SLC7A13: variants seen among roughly 807,000 people sequenced by gnomAD.
SLC7A13 encodes the protein solute carrier family 7 member 13, also known as X-amino acid transporter 2.
A neutral mutation model predicts 32.0 loss-of-function variants in SLC7A13; 31 were observed. That is an observed-to-expected ratio of 0.97 (90% CI 0.73 to 1.31). SLC7A13 has a LOEUF of 1.31. Among genes scored for constraint, SLC7A13 ranks in the 50% most tolerant of loss-of-function variants. The pLI, the probability that SLC7A13 is intolerant of heterozygous loss-of-function variation, is 0.00. For synonymous variants in SLC7A13, 232 were observed against 206.9 expected, an observed-to-expected ratio of 1.12 and a Z score of -1.04; for missense variants, 633 against 546.9, an observed-to-expected ratio of 1.16 and a Z score of -1.57.
Position 86,214,612 on chromosome 8 carries a change from A to C in SLC7A13, c.1214T>G (p.Ile405Ser). 1 of 1,613,260 alleles carries C rather than the reference A, an allele frequency of 6.2e-7. No homozygotes were observed. Among genetic ancestry groups the C allele is most frequent in the Non-Finnish European group, 8.5e-7 (1 of 1,179,644 alleles). Residue 405 changes from isoleucine to serine, a missense_variant, in exon 4 of 4, where the codon ATC becomes AGC. Coordinates refer to ENST00000297524, the MANE Select transcript of SLC7A13 (RefSeq NM_138817.3). ...TGGTATCACAACCAAGCCCACGTCG[A>C]TGACTATTGTTGCTAATGGAAATGA... ...FLSFPLATIVIDVGLVVIPLV... is the reference protein window; with the variant it reads ...FLSFPLATIVSDVGLVVIPLV...
intron 2 of SLC7A13, among the ~76,000 whole-genome samples, chr8:86,220,058 G>T (rs1219339933): frequency 6.6e-6 from 1 of 151,680 alleles, no homozygotes; most frequent in African/African-American, 2.4e-5. Flanking sequence ...TTTATTTATT[G>T]TCTATCATTG....
chr8:86,214,917 A>G (rs1454435331), intron 3 of SLC7A13, among the ~76,000 whole-genome samples: 1 of 152,178 alleles, frequency 6.6e-6, no homozygotes, highest in East Asian at 1.9e-4. Flanking sequence ...TGGTAAGATC[A>G]CTATCTACTG....
chr8:86,227,910 A>G (rs1022317828), intron 1 of SLC7A13, among the ~76,000 whole-genome samples: 2 of 152,200 alleles, frequency 1.3e-5, no homozygotes, highest in African/African-American at 4.8e-5. Context: ...TATACAGAGG[A>G]AATTGTGACA....
chr8:86,229,679 T>C lies in SLC7A13; in HGVS notation c.599A>G (p.Glu200Gly). 6.2e-7 allele frequency: 1 copy of C among 1,614,196 alleles called. No homozygotes were observed. The highest frequency in any genetic ancestry group is 1.7e-5 in the Admixed American group (1 of 60,008). ...VERFQNAFDA[E>G]LPDISHLIQA... Reference sequence around the variant, plus strand: ...TATAAGGTGAGAGATATCTGGAAGTTCAGCATCAAAAGCATTCTGAAATCG... The same window carrying C: ...TATAAGGTGAGAGATATCTGGAAGTCCAGCATCAAAAGCATTCTGAAATCG... The change falls in exon 1 of 4, where the codon GAA becomes GGA. Residue 200 changes from glutamate (E) to glycine (G), a missense_variant. Physicochemically the swap from Glu to Gly is moderately conservative, Grantham distance 98. Coordinates refer to ENST00000297524, the MANE Select transcript of SLC7A13 (RefSeq NM_138817.3).
intron 1 of SLC7A13, among the ~76,000 whole-genome samples, chr8:86,225,481 G>A (rs1013240842): frequency 4.6e-5 from 7 of 152,006 alleles, no homozygotes; most frequent in Non-Finnish European, 1.0e-4. Context: ...CAATTTTTTG[G>A]ATTATCTGTT....
chr8:86,223,160 T>TA (rs1332502251), intron 1 of SLC7A13, 57 bp from the exon 2 acceptor site: 3 of 1,439,280 alleles, frequency 2.1e-6, no homozygotes, highest in Non-Finnish European at 1.9e-6. Flanking sequence ...TAAAATTCAT[T>TA]ATTTTTAGAT....
rs2129774520 is a variant in SLC7A13, at chr8:86,214,550, G to A, written c.1276C>T (p.Leu426Phe). 13 of 1,613,548 alleles carry A rather than the reference G, an allele frequency of 8.1e-6. 1 individual carries two copies. The highest frequency in any genetic ancestry group is 2.2e-5 in the South Asian group (2 of 91,072). Residue 426 changes from leucine to phenylalanine, a missense_variant, in exon 4 of 4, where the codon CTT becomes TTT. Physicochemically the swap from Leu to Phe is conservative, Grantham distance 22 (BLOSUM62 0). Transcript: ENST00000297524. ...KSPNVHYVYV[L>F]LLVLSGLLFY... ...AGTAATCCGCTGAGAACTAACAGAA[G>A]CACGTAGACATAATGCACATTTGGA...
intron 3 of SLC7A13, among the ~76,000 whole-genome samples, chr8:86,216,283 A>T (rs1187177460): frequency 6.6e-6 from 1 of 152,174 alleles, no homozygotes; most frequent in Non-Finnish European, 1.5e-5. Context: ...GGCACCTCCA[A>T]GGGGGACTGT....
intron 1 of SLC7A13, among the ~76,000 whole-genome samples, chr8:86,228,872 G>T (rs1236983184): frequency 6.6e-6 from 1 of 151,742 alleles, no homozygotes; most frequent in African/African-American, 2.4e-5. Flanking sequence ...CTGAGGAGAG[G>T]GATCTCACTA....
rs766520997 is a variant in SLC7A13, at chr8:86,229,881, G to A, written c.397C>T (p.Pro133Ser). ...FFPSCSVPKL[P>S]KKCLALAMLW... The stretch of plus-strand genomic sequence containing the variant: ...ATGGCCAATGCCAGACATTTCTTAG[G>A]CAGCTTTGGGACAGAGCAGCTGGGA... The change falls in exon 1 of 4, where the codon CCT becomes TCT. Residue 133 changes from proline to serine, a missense_variant. By Grantham distance (74) the Pro-to-Ser change is moderately conservative. Coordinates refer to ENST00000297524, the MANE Select transcript of SLC7A13 (RefSeq NM_138817.3). 4 of 1,614,120 alleles carry A rather than the reference G, an allele frequency of 2.5e-6. No individual in the cohort carries two copies. Among genetic ancestry groups the A allele is most frequent in the Non-Finnish European group, 3.4e-6 (4 of 1,180,026 alleles).
rs1165752974 is a variant in SLC7A13 at position 86,230,301 on chromosome 8, C to T, written c.-24G>A. ...ATTGTAATTGAAGAGTTTTAAAATT[C>T]TATATAAATTACAATTTCTAGATTT... On this transcript the variant is annotated 5_prime_UTR_variant, in exon 1 of 4. Transcript: ENST00000297524. 8.0e-6 allele frequency: 12 copies of T among 1,503,828 alleles called. No individual in the cohort carries two copies. Among genetic ancestry groups the T allele is most frequent in the Non-Finnish European group, 9.8e-6 (11 of 1,126,840 alleles). 93.2% of individuals were successfully genotyped at this position (1,503,828 alleles called of 1,614,324 possible).
At chr8:86,220,466 G>C (rs960208929) in intron 2 of SLC7A13, among the ~76,000 whole-genome samples, 1 of 151,946 alleles carries the variant, frequency 6.6e-6, no homozygotes, top group Non-Finnish European at 1.5e-5. Flanking sequence ...GCTCTGACAC[G>C]GACACAGACA....
In SLC7A13 at chr8:86,214,403, C is replaced by A; in HGVS notation, c.*10G>T. On this transcript the variant is annotated 3_prime_UTR_variant, in exon 4 of 4. Coordinates refer to ENST00000297524, the MANE Select transcript of SLC7A13 (RefSeq NM_138817.3). ...AAGGCCAATTTTTTAAGAGTTTGCA[C>A]TTCCGACATCTATTCCTCAGACACA... is the stretch of plus-strand genomic sequence containing the variant. The A allele has an allele frequency of 6.7e-7, 1 of 1,500,582 alleles. No homozygotes were observed. Among genetic ancestry groups the A allele is most frequent in the Middle Eastern group, 1.8e-4 (1 of 5,572 alleles). 93.0% of individuals were successfully genotyped at this position (1,500,582 alleles called of 1,614,324 possible). A position where few individuals can be genotyped will look rare whatever the true frequency, so the allele number is the denominator to read the frequency against.
rs4546639 is a variant in SLC7A13, at chr8:86,217,473, A to G, written c.1176T>C (p.Tyr392=). ...AGAATTAGAAATCCAATTTTACCTT[A>G]TAAGGTATAGATAGATTGGGTTCCT... ...RYQEPNLSIP[Y]KVFLSFPLAT... Residue 392 remains tyrosine (Y), a synonymous_variant, in exon 3 of 4, where the codon TAT becomes TAC. Transcript: ENST00000297524. 223,993 of 1,536,390 alleles carry G rather than the reference A, an allele frequency of 0.15. 19,769 individuals carry two copies. Among genetic ancestry groups the G allele is most frequent in the East Asian group, 0.32 (14,284 of 44,082 alleles).
chr8:86,225,816 A>G (rs529054569), intron 1 of SLC7A13, among the ~76,000 whole-genome samples: 1 of 152,270 alleles, frequency 6.6e-6, no homozygotes, highest in Admixed American at 6.5e-5. Context: ...CTGTAGTCGC[A>G]GCTACTCAGG....
At chr8:86,228,860 A>G (rs1399854107) in intron 1 of SLC7A13, among the ~76,000 whole-genome samples, 3 of 151,844 alleles carry the variant, frequency 2.0e-5, no homozygotes, top group Non-Finnish European at 4.4e-5. Flanking sequence ...AAAAAAAAAA[A>G]TCTGAGGAGA....
chr8:86,228,577 G>A (rs1325515436), intron 1 of SLC7A13, among the ~76,000 whole-genome samples: 1 of 151,994 alleles, frequency 6.6e-6, no homozygotes, highest in African/African-American at 2.4e-5. Context: ...CAGGTGCAGT[G>A]GCTCACGCTT....
chr8:86,214,826 G>C (rs964314346), intron 3 of SLC7A13, among the ~76,000 whole-genome samples, 180 bp from the exon 4 acceptor site: 1 of 152,186 alleles, frequency 6.6e-6, no homozygotes, highest in African/African-American at 2.4e-5. Context: ...AGGAGATGTT[G>C]AAGACTGTCA....
In SLC7A13 at chr8:86,230,236, T is replaced by A; in HGVS notation, c.42A>T (p.Gly14=). 6.2e-7 allele frequency: 1 copy of A among 1,612,874 alleles called. No homozygotes were observed. The highest frequency in any genetic ancestry group is 8.5e-7 in the Non-Finnish European group (1 of 1,179,434). The change falls in exon 1 of 4, where the codon GGA becomes GGT. Residue 14 remains glycine (G), a synonymous_variant. Coordinates refer to ENST00000297524, the MANE Select transcript of SLC7A13 (RefSeq NM_138817.3). The part of the protein sequence containing the change: ...GEKIQLKRVF[G]YWWGTSFLLI... ...GCAAAAAACTTGTGCCCCACCAATA[T>A]CCAAACACTCTCTTGAGCTGTATTT...
Sources: gnomAD v4.1 joint callset for allele counts (sites outside exome capture counted in the v4.1 genomes callset) on GRCh38, gnomAD v4.1.1 for gene constraint, MANE v1.5 for transcripts, NCBI Gene and HGNC (gene_info 2026-07-23, HGNC 2026-07-21) for gene names.